Variants in EPB41L4A observed in about 807,000 individuals in gnomAD.
EPB41L4A encodes the protein band 4.1-like protein 4A.
Under a neutral mutation model 108.6 loss-of-function variants are expected in EPB41L4A, and 100 were observed. The observed-to-expected ratio is 0.92, with a 90% CI of 0.78 to 1.09. The LOEUF (loss-of-function observed/expected upper bound fraction) is 1.09. EPB41L4A is among the 50% of genes least tolerant of loss of function. EPB41L4A has a pLI of 0.00. For synonymous variants in EPB41L4A, 319 were observed against 289.0 expected, an observed-to-expected ratio of 1.10 and a Z score of -1.05; for missense variants, 1,030 against 842.7, an observed-to-expected ratio of 1.22 and a Z score of -2.75.
chr5:112,366,683 G>A (rs1759139809), intron 1 of EPB41L4A, among the ~76,000 whole-genome samples: 1 of 151,936 alleles, frequency 6.6e-6, no homozygotes, highest in Admixed American at 6.6e-5. Context: ...ACAACCAGAG[G>A]ACTTAATGTT....
intron 8 of EPB41L4A, 63 bp downstream of exon 8, chr5:112,259,828 T>G: frequency 8.5e-7 from 1 of 1,172,394 alleles, no homozygotes; most frequent in Non-Finnish European, 1.3e-6. Context: ...ACTCTTTCAC[T>G]GACACAGGAG....
intron 1 of EPB41L4A, among the ~76,000 whole-genome samples, chr5:112,390,859 C>A (rs1017655701): frequency 6.6e-6 from 1 of 152,182 alleles, no homozygotes; most frequent in Non-Finnish European, 1.5e-5. Context: ...GAGGAAAGAT[C>A]AAGCAGCAAT....
chr5:112,191,262 A>G (rs1761684830), intron 17 of EPB41L4A, among the ~76,000 whole-genome samples: 1 of 152,202 alleles, frequency 6.6e-6, no homozygotes, highest in Non-Finnish European at 1.5e-5. Flanking sequence ...GAAACACGGT[A>G]GGATGAAGCC....
intron 1 of EPB41L4A, among the ~76,000 whole-genome samples, chr5:112,334,474 T>C (rs1307464813): frequency 2.0e-5 from 3 of 152,160 alleles, no homozygotes; most frequent in African/African-American, 7.2e-5. Context: ...AGACTTCATC[T>C]ACATAATACA....
intron 22 of EPB41L4A, among the ~76,000 whole-genome samples, chr5:112,166,133 A>C (rs1760229176): frequency 6.6e-6 from 1 of 152,238 alleles, no homozygotes; most frequent in Admixed American, 6.5e-5. Context: ...TGCAGACCTT[A>C]AGAAATTAAG....
intron 12 of EPB41L4A, among the ~76,000 whole-genome samples, chr5:112,155,871 G>C (rs1482569873): frequency 6.6e-6 from 1 of 152,002 alleles, no homozygotes; most frequent in African/African-American, 2.4e-5. Flanking sequence ...AGAGAAATGG[G>C]CTCTGTTTTT....
chr5:112,254,886 G>T (rs116566114), intron 9 of EPB41L4A, among the ~76,000 whole-genome samples: 1 of 151,910 alleles, frequency 6.6e-6, no homozygotes, highest in Non-Finnish European at 1.5e-5. Flanking sequence ...TCACTCCTCA[G>T]TCTGTTCTCT....
intron 1 of EPB41L4A, among the ~76,000 whole-genome samples, chr5:112,337,518 G>A (rs1756998840): frequency 6.6e-6 from 1 of 152,148 alleles, no homozygotes; most frequent in African/African-American, 2.4e-5. Flanking sequence ...CCACAGACTG[G>A]TGAAACTCCT....
chr5:112,182,518 C>G (rs1761209281), intron 18 of EPB41L4A, among the ~76,000 whole-genome samples: 1 of 152,074 alleles, frequency 6.6e-6, no homozygotes, highest in Non-Finnish European at 1.5e-5. Context: ...TTTACTTTCC[C>G]CTTTTTAAAT....
intron 2 of EPB41L4A, among the ~76,000 whole-genome samples, chr5:112,294,636 G>A (rs1331884154): frequency 1.3e-5 from 2 of 152,006 alleles, no homozygotes; most frequent in Non-Finnish European, 2.9e-5. Flanking sequence ...AAAAATGATG[G>A]AAGGGAAGAG....
intron 12 of EPB41L4A, among the ~76,000 whole-genome samples, chr5:112,149,216 C>A (rs1470207589): frequency 6.6e-6 from 1 of 152,116 alleles, no homozygotes; most frequent in African/African-American, 2.4e-5. Flanking sequence ...GTGGCTTATG[C>A]CTGTAATCCC....
intron 3 of EPB41L4A, among the ~76,000 whole-genome samples, chr5:112,277,354 G>T (rs914994915): frequency 6.6e-6 from 1 of 152,196 alleles, no homozygotes; most frequent in African/African-American, 2.4e-5. Context: ...AAGCAAAAAT[G>T]TTAAAAGTAC....
intron 12 of EPB41L4A, among the ~76,000 whole-genome samples, chr5:112,211,593 A>C (rs1165413706): frequency 2.0e-5 from 3 of 151,910 alleles, no homozygotes; most frequent in African/African-American, 7.3e-5. Flanking sequence ...GTCTCAAAAA[A>C]AAAAAAAAAA....
Position 112,415,975 on chromosome 5 carries a change from ATT to A in EPB41L4A, c.99+2964_99+2965del, listed in dbSNP as rs145027063. Among the ~76,000 whole-genome samples, 1,052 of 149,624 alleles carry A rather than the reference ATT, an allele frequency of 7.0e-3. 21 individuals carry two copies. The highest frequency in any genetic ancestry group is 0.024 in the African/African-American group (1,003 of 41,020). On this transcript the variant is annotated intron_variant, in intron 1 of 22. Transcript: ENST00000261486. ...AGATACTGTGTTTTATTTTTCTGGT[ATT>A]TTTTTTTTAACAGAAAATTATTTTC...
chr5:112,198,092 G>T (rs1446888170), intron 15 of EPB41L4A, among the ~76,000 whole-genome samples: 2 of 151,720 alleles, frequency 1.3e-5, no homozygotes, highest in Non-Finnish European at 2.9e-5. Flanking sequence ...GGAGTACAGT[G>T]GTGCGATCTC....
chr5:112,161,255 C>A (rs1490342192), downstream of EPB41L4A: 1 of 309,648 alleles, frequency 3.2e-6, no homozygotes. Flanking sequence ...ACAGCTGTTT[C>A]CACGTGCGGT....
At chr5:112,187,541 C>A (rs1761487545) in intron 17 of EPB41L4A, among the ~76,000 whole-genome samples, 1 of 152,184 alleles carries the variant, frequency 6.6e-6, no homozygotes, top group Non-Finnish European at 1.5e-5. Flanking sequence ...TAATTAAGGT[C>A]TGCAAAGGTT....
At position 112,164,987 on chromosome 5, in the gene EPB41L4A, G is replaced by T. The variant is rs1760146589; in HGVS notation, c.*3C>A. 6.2e-7 allele frequency: 1 copy of T among 1,611,598 alleles called. No homozygotes were observed. The highest frequency in any genetic ancestry group is 1.3e-5 in the African/African-American group (1 of 74,662). The stretch of plus-strand genomic sequence containing the variant: ...CACCCCTACCCTTGACCCTTCATCA[G>T]GATCAAGTCTCTGTCTTGAGGCGGG... On this transcript the variant is annotated 3_prime_UTR_variant, in exon 23 of 23. Transcript: ENST00000261486.
In EPB41L4A at chr5:112,259,291, G is replaced by T; in HGVS notation, c.733C>A (p.Pro245Thr). The change falls in exon 9 of 23, where the codon CCT becomes ACT. Residue 245 changes from proline (P) to threonine (T), a missense_variant and splice_region_variant. Transcript: ENST00000261486. ...TTGAAGTGAACCTTTGTAATCCGAGGCCTAAAAAACAAAGCAGATGGTGTT... is the reference window on the plus strand; with the variant it reads ...TTGAAGTGAACCTTTGTAATCCGAGTCCTAAAAAACAAAGCAGATGGTGTT... ...NKKQVGKYFW[P>T]RITKVHFKET... is the part of the protein sequence containing the mutation. 1 of 1,613,448 alleles carries T rather than the reference G, an allele frequency of 6.2e-7. No individual in the cohort carries two copies. Among genetic ancestry groups the T allele is most frequent in the Non-Finnish European group, 8.5e-7 (1 of 1,179,456 alleles).
Sources: allele counts gnomAD v4.1 joint callset (sites outside exome capture counted in the v4.1 genomes callset), GRCh38; gene constraint gnomAD v4.1.1; transcripts MANE v1.5; gene names NCBI Gene and HGNC (gene_info 2026-07-23, HGNC 2026-07-21).